The following CNBD1 variants were observed in gnomAD, a reference collection of about 807,000 sequenced individuals.
CNBD1 encodes the protein cyclic nucleotide-binding domain-containing protein 1.
Under a neutral mutation model 54.4 loss-of-function variants are expected in CNBD1, and 71 were observed. The ratio of observed to expected loss-of-function variants is 1.30; its 90% confidence interval spans 1.08 to 1.59. CNBD1 has a LOEUF of 1.59. CNBD1 is among the 40% of genes most tolerant of loss of function. CNBD1 has a pLI of 0.00. For synonymous variants in CNBD1, 182 were observed against 170.7 expected, an observed-to-expected ratio of 1.07 and a Z score of -0.51; for missense variants, 659 against 518.0, an observed-to-expected ratio of 1.27 and a Z score of -2.64.
intron 8 of CNBD1, among the ~76,000 whole-genome samples, chr8:87,311,195 A>G (rs1343649732): frequency 3.3e-5 from 5 of 152,136 alleles, no homozygotes; most frequent in African/African-American, 1.2e-4. Context: ...TTCACAAACA[A>G]TATATCCAAC....
intron 4 of CNBD1, among the ~76,000 whole-genome samples, chr8:86,940,628 A>G (rs6994493): frequency 0.055 from 8,427 of 152,230 alleles, 751 homozygotes; most frequent in African/African-American, 0.19. Flanking sequence ...AAAATTATAG[A>G]AGAAAATCTT....
At chr8:86,869,283 G>C (rs150391754) in intron 1 of CNBD1, among the ~76,000 whole-genome samples, 1 of 152,254 alleles carries the variant, frequency 6.6e-6, no homozygotes, top group African/African-American at 2.4e-5. Context: ...TTCATACTAA[G>C]GTTCACACAG....
intron 5 of CNBD1, among the ~76,000 whole-genome samples, chr8:87,206,406 T>C (rs973111822): frequency 6.6e-6 from 1 of 152,134 alleles, no homozygotes; most frequent in Non-Finnish European, 1.5e-5. Context: ...GAGACCCATA[T>C]TGTCGGGTTT....
chr8:87,385,939 C>A (rs1207884513), downstream of CNBD1, among the ~76,000 whole-genome samples: 1 of 152,176 alleles, frequency 6.6e-6, no homozygotes, highest in East Asian at 1.9e-4. Flanking sequence ...AACTATCAGG[C>A]AGCAACAGTT....
At chr8:86,925,570 A>T (rs1022366981) in intron 3 of CNBD1, among the ~76,000 whole-genome samples, 4 of 151,132 alleles carry the variant, frequency 2.6e-5, no homozygotes, top group Non-Finnish European at 5.9e-5. Context: ...AAGGCAGTAA[A>T]GAAAGATTTT....
intron 2 of CNBD1, among the ~76,000 whole-genome samples, chr8:87,409,098 C>T (rs1037081269): frequency 2.0e-5 from 3 of 152,112 alleles, no homozygotes; most frequent in African/African-American, 7.2e-5. Context: ...ATGAGGAAGG[C>T]ATGTCGAAAG....
chr8:86,929,835 A>G (rs1027323599), intron 3 of CNBD1, among the ~76,000 whole-genome samples: 1 of 152,194 alleles, frequency 6.6e-6, no homozygotes, highest in African/African-American at 2.4e-5. Flanking sequence ...AACTATCCGT[A>G]AACAGTGAGG....
At chr8:87,273,977 G>A (rs950655505) in intron 6 of CNBD1, among the ~76,000 whole-genome samples, 7 of 138,898 alleles carry the variant, frequency 5.0e-5, no homozygotes, top group African/African-American at 1.9e-4. Context: ...GTGTCCATGT[G>A]TTCTCATTGT....
intron 4 of CNBD1, among the ~76,000 whole-genome samples, chr8:87,102,531 G>C (rs945128227): frequency 6.6e-6 from 1 of 152,198 alleles, no homozygotes; most frequent in African/African-American, 2.4e-5. Context: ...AAGACATGAT[G>C]ATGGCAAGAA....
intron 6 of CNBD1, among the ~76,000 whole-genome samples, chr8:87,272,576 G>C (rs11779553): frequency 6.6e-6 from 1 of 151,624 alleles, no homozygotes; most frequent in African/African-American, 2.4e-5. Context: ...TCTAGTTTAT[G>C]ACAAGAAAAA....
intron 4 of CNBD1, among the ~76,000 whole-genome samples, chr8:87,047,552 C>G (rs547171391): frequency 6.5e-4 from 99 of 152,352 alleles, no homozygotes; most frequent in Non-Finnish European, 1.1e-3. Context: ...TGCCTCTTAT[C>G]TGTTACTGCC....
intron 6 of CNBD1, among the ~76,000 whole-genome samples, chr8:87,241,410 A>G (rs1586357054): frequency 6.6e-6 from 1 of 151,416 alleles, no homozygotes; most frequent in East Asian, 2.0e-4. Flanking sequence ...AGCTGGGACT[A>G]CAGGGGCCTG....
At chr8:87,100,342 A>C (rs1188087130) in intron 4 of CNBD1, among the ~76,000 whole-genome samples, 6 of 152,222 alleles carry the variant, frequency 3.9e-5, no homozygotes, top group South Asian at 2.1e-4. Flanking sequence ...TAATGACCAG[A>C]AACAGGCAAA....
intron 4 of CNBD1, among the ~76,000 whole-genome samples, chr8:87,130,840 G>A (rs1435596437): frequency 1.3e-5 from 2 of 150,282 alleles, no homozygotes; most frequent in East Asian, 1.9e-4. Context: ...TTGTAAATTT[G>A]TCTAGCTCTC....
chr8:87,246,387 G>A (rs1807805070), intron 6 of CNBD1, among the ~76,000 whole-genome samples: 5 of 152,112 alleles, frequency 3.3e-5, no homozygotes, highest in Admixed American at 2.6e-4. Context: ...TAAGCTTTGA[G>A]TATAGTCTGC....
At chr8:86,868,428 C>T (rs151083387) in intron 1 of CNBD1, among the ~76,000 whole-genome samples, 13,232 of 152,026 alleles carry the variant, frequency 0.087, 618 homozygotes, top group South Asian at 0.1. Context: ...CCACAACCTC[C>T]GCCTCCTGGG....
chr8:87,250,517 G>T (rs535977823), intron 6 of CNBD1, among the ~76,000 whole-genome samples: 10 of 152,222 alleles, frequency 6.6e-5, no homozygotes, highest in African/African-American at 2.4e-4. Context: ...AGATACATCC[G>T]CACTCCCATG....
At position 86,888,807 on chromosome 8, in the gene CNBD1, T is replaced by C. The variant is rs186815517; in HGVS notation, c.158+1196T>C. 2.0e-5 allele frequency among the ~76,000 whole-genome samples: 3 copies of C among 152,280 alleles called. No individual in the cohort carries two copies. The East Asian group carries it at 5.8e-4, about 29-fold the overall frequency. On this transcript the variant is annotated intron_variant, in intron 2 of 10. Transcript: ENST00000518476. ...GCTTTGAATGTCCTTTTTGCTTTCA[T>C]TTTCGTTTTGCTTTCTGGCCCAGAC...
rs869060076 is a variant in CNBD1 at position 86,894,035 on chromosome 8, A to ATTTTTTTTT, written c.158+6453_158+6461dup. 1.6e-3 allele frequency among the ~76,000 whole-genome samples: 82 copies of ATTTTTTTTT among 52,370 alleles called. 19 individuals are homozygous for ATTTTTTTTT. Among genetic ancestry groups the ATTTTTTTTT allele is most frequent in the Non-Finnish European group, 2.0e-3 (57 of 28,066 alleles). The allele number at this position is 52,370 out of a possible 152,430, so 34.4% of individuals were successfully genotyped here. On this transcript the variant is annotated intron_variant, in intron 2 of 10. Coordinates refer to ENST00000518476, the MANE Select transcript of CNBD1 (RefSeq NM_173538.3). ...TTTATTCATATATTTTAATAGATTA[A>ATTTTTTTTT]TTTTTTTTTTTTTTTTTTTTTTTTT... is the stretch of plus-strand genomic sequence containing the variant.
Sources: allele counts gnomAD v4.1 joint callset (sites outside exome capture counted in the v4.1 genomes callset), GRCh38; gene constraint gnomAD v4.1.1; transcripts MANE v1.5; gene names NCBI Gene and HGNC (gene_info 2026-07-23, HGNC 2026-07-21).